Variants in EPG5 observed in about 807,000 individuals in gnomAD.
The protein encoded by EPG5 is ectopic P granules protein 5 homolog.
EPG5 carries 159 observed loss-of-function variants against 302.7 expected under a neutral mutation model. That is an observed-to-expected ratio of 0.53 (90% confidence interval 0.46 to 0.60). The LOEUF (loss-of-function observed/expected upper bound fraction) is 0.60. Ranked by LOEUF, EPG5 falls within the 20% of genes least tolerant of loss-of-function variation. EPG5 has a pLI of 0.00. For synonymous variants in EPG5, 1,158 were observed against 1,136.8 expected (o/e 1.02, Z -0.37); for missense variants, 2,896 against 3,092.4 (o/e 0.94, Z 1.51).
At position 45,901,115 on chromosome 18, in the gene EPG5, G is replaced by A. The variant is rs765272578; in HGVS notation, c.4527C>T (p.Pro1509=). The A allele has an allele frequency of 5.6e-6, 9 of 1,614,022 alleles. No individual in the cohort carries two copies. Among genetic ancestry groups the A allele is most frequent in the Non-Finnish European group, 7.6e-6 (9 of 1,180,034 alleles). ...GAGGCTTCGTCGGGTGCAGAGCAAG[G>A]GGAGGCTGGGGAGCCTCATGCTTCC... The part of the protein sequence containing the change: ...NLRKHEAPQP[P]LALHPTKPPV... Residue 1509 remains proline (P), a synonymous_variant, in exon 26 of 44, where the codon CCC becomes CCT. Coordinates refer to ENST00000282041, the MANE Select transcript of EPG5 (RefSeq NM_020964.3).
intron 1 of EPG5, among the ~76,000 whole-genome samples, chr18:45,966,116 T>C (rs1396868697): frequency 6.6e-6 from 1 of 151,682 alleles, no homozygotes; most frequent in African/African-American, 2.4e-5. Flanking sequence ...CTCACGCCTG[T>C]AATCTCAGCA....
intron 13 of EPG5, among the ~76,000 whole-genome samples, chr18:45,928,601 T>C (rs2145804129): frequency 6.6e-6 from 1 of 152,176 alleles, no homozygotes; most frequent in Non-Finnish European, 1.5e-5. Context: ...TAACTATAGG[T>C]CATAAGTAAA....
intron 3 of EPG5, 131 bp downstream of exon 3, chr18:45,952,269 G>C (rs990739349): frequency 9.5e-7 from 1 of 1,047,388 alleles, no homozygotes; most frequent in African/African-American, 1.6e-5. Flanking sequence ...CAGTGGGGGA[G>C]GCCTGGTAAA....
chr18:45,927,072 G>A (rs2050288477), intron 13 of EPG5, among the ~76,000 whole-genome samples: 1 of 145,884 alleles, frequency 6.9e-6, no homozygotes, highest in Admixed American at 7.0e-5. Flanking sequence ...TCTATCTGTA[G>A]CCCAGGCTGG....
At position 45,934,992 on chromosome 18, in the gene EPG5, T is replaced by C. The variant is rs1179313751; in HGVS notation, c.2100-26A>G. Reference sequence around the variant, plus strand: ...CTGCATGTAAGCAGGAATCATTTTATTTATTAATCAGCTTCATTACACTAA... The same window carrying C: ...CTGCATGTAAGCAGGAATCATTTTACTTATTAATCAGCTTCATTACACTAA... On this transcript the variant is annotated intron_variant, in intron 10 of 43. Coordinates refer to ENST00000282041, the MANE Select transcript of EPG5 (RefSeq NM_020964.3). 3 of 1,582,842 alleles carry C rather than the reference T, an allele frequency of 1.9e-6. No individual in the cohort carries two copies. In the South Asian group the frequency reaches 3.5e-5, roughly 18 times the overall value.
chr18:45,825,843 G>A, the EPG5 span: 1 of 1,578,772 alleles, frequency 6.3e-7, no homozygotes, highest in East Asian at 2.3e-5. Context: ...AAGCATCTTA[G>A]GTACAGTCTC....
intron 9 of EPG5, among the ~76,000 whole-genome samples, chr18:45,941,376 A>T (rs946849585): frequency 6.6e-6 from 1 of 152,224 alleles, no homozygotes; most frequent in African/African-American, 2.4e-5. Context: ...AAGGTTCATT[A>T]GAGATCTTCA....
At chr18:45,838,959 CGA>C in the EPG5 span, 1 of 1,604,538 alleles carries the variant, frequency 6.2e-7, no homozygotes, top group Non-Finnish European at 8.5e-7. Flanking sequence ...TGGGCCGCTC[CGA>C]GGCCAGCGTC....
At chr18:45,933,229 G>A (rs2050437192) in intron 11 of EPG5, among the ~76,000 whole-genome samples, 1 of 152,074 alleles carries the variant, frequency 6.6e-6, no homozygotes, top group Non-Finnish European at 1.5e-5. Flanking sequence ...ACTGCCCCCA[G>A]GACAGTGGAG....
chr18:45,876,263 T>C lies in EPG5; in HGVS notation c.6022A>G (p.Ile2008Val). The C allele has an allele frequency of 1.2e-6, 2 of 1,613,848 alleles. No homozygotes were observed. Among genetic ancestry groups the C allele is most frequent in the Non-Finnish European group, 8.5e-7 (1 of 1,179,782 alleles). ...TTAAAACTCTCATGCAGTGAGTCAA[T>C]ACAGTCAGTGAACAGCTGCACAATG... Reference protein sequence around the residue: ...SSIVQLFTDCIDSLHESFKDK... With the variant: ...SSIVQLFTDCVDSLHESFKDK... The change falls in exon 35 of 44, where the codon ATT becomes GTT. Residue 2008 changes from isoleucine (I) to valine (V), a missense_variant. This residue lies in a region of EPG5 where 620 missense variants were observed against 704.2 expected (regional missense o/e 0.88). Transcript: ENST00000282041.
chr18:45,906,274 C>T (rs2145628379), intron 24 of EPG5, among the ~76,000 whole-genome samples: 1 of 152,292 alleles, frequency 6.6e-6, no homozygotes, highest in East Asian at 1.9e-4. Flanking sequence ...TGTTTAATAA[C>T]TGCTGCTATT....
chr18:45,801,981 T>A, the EPG5 span, among the ~76,000 whole-genome samples: 3 of 151,968 alleles, frequency 2.0e-5, no homozygotes, highest in Non-Finnish European at 4.4e-5. Context: ...TCAGCTCTGA[T>A]GGCGGAAGGG....
chr18:45,902,136 G>GT (rs1291586738), intron 25 of EPG5, among the ~76,000 whole-genome samples: 1 of 152,216 alleles, frequency 6.6e-6, no homozygotes, highest in Non-Finnish European at 1.5e-5. Context: ...CATTCCAGAT[G>GT]TAACATTCCA....
the EPG5 span, among the ~76,000 whole-genome samples, chr18:45,827,567 T>C: frequency 6.6e-6 from 1 of 152,184 alleles, no homozygotes; most frequent in East Asian, 1.9e-4. Flanking sequence ...CTGTTTGCTG[T>C]TTACTGGCTG....
chr18:45,886,360 T>G (rs886298514), intron 29 of EPG5, among the ~76,000 whole-genome samples: 1 of 152,174 alleles, frequency 6.6e-6, no homozygotes, highest in Admixed American at 6.5e-5. Flanking sequence ...TATACAGACA[T>G]GCAATGTCAT....
In EPG5 at chr18:45,916,576, T is replaced by A. The variant is rs765558018; in HGVS notation, c.3246A>T (p.Leu1082Phe). Residue 1082 changes from leucine (L) to phenylalanine (F), a missense_variant, in exon 18 of 44, where the codon TTA becomes TTT. Leu to Phe is a conservative substitution (Grantham distance 22). Coordinates refer to ENST00000282041, the MANE Select transcript of EPG5 (RefSeq NM_020964.3). Reference protein sequence around the residue: ...QYYLLKNEQFLSHLLLFLHLD... With the variant: ...QYYLLKNEQFFSHLLLFLHLD... ...AGTGTAGGAACAAGAGGAGATGCGA[T>A]AAAAACCTGCCAAGCACACAGGAGG... is the stretch of plus-strand genomic sequence containing the variant. The A allele has an allele frequency of 1.3e-6, 2 of 1,596,706 alleles. No individual in the cohort carries two copies. The highest frequency in any genetic ancestry group is 3.3e-5 in the Admixed American group (2 of 59,710).
chr18:45,860,538 A>T (rs1489035157), intron 39 of EPG5, among the ~76,000 whole-genome samples, 192 bp from the exon 40 acceptor site: 1 of 152,260 alleles, frequency 6.6e-6, no homozygotes, highest in Non-Finnish European at 1.5e-5. Context: ...GCACACGGTT[A>T]CTAAGAGTAA....
At chr18:45,864,705 C>T (rs193161042) in intron 39 of EPG5, among the ~76,000 whole-genome samples, 27 of 152,214 alleles carry the variant, frequency 1.8e-4, no homozygotes, top group African/African-American at 6.5e-4. Flanking sequence ...CTGGTGGCAC[C>T]GCCAACCCAG....
chr18:45,887,359 C>T (rs2049240513), intron 29 of EPG5, among the ~76,000 whole-genome samples: 1 of 152,212 alleles, frequency 6.6e-6, no homozygotes, highest in African/African-American at 2.4e-5. Flanking sequence ...TTAGGCCAGT[C>T]ACTTAATCTT....
Sources: allele counts gnomAD v4.1 joint callset (sites outside exome capture counted in the v4.1 genomes callset), GRCh38; gene constraint gnomAD v4.1.1; regional missense constraint gnomAD v4.1.1; transcripts MANE v1.5; gene names NCBI Gene and HGNC (gene_info 2026-07-23, HGNC 2026-07-21).